Variants in GREB1 observed in about 807,000 individuals in gnomAD.
The protein encoded by GREB1 is growth regulating estrogen receptor binding 1, also known as protein GREB1.
In GREB1, 106 loss-of-function variants were observed where a neutral mutation model predicts 200.7. That is an observed-to-expected ratio of 0.53 (90% CI 0.45 to 0.62). The LOEUF (loss-of-function observed/expected upper bound fraction) is 0.62. Among genes scored for constraint, GREB1 ranks in the 20% least tolerant of loss-of-function variants. The pLI is 0.00. For missense variants in GREB1, 2,243 were observed against 2,556.8 expected, an observed-to-expected ratio of 0.88 and a Z score of 2.65; for synonymous variants, 1,132 against 1,092.4, an observed-to-expected ratio of 1.04 and a Z score of -0.72.
chr2:11,520,963 G>C (rs930827932), intron 1 of GREB1, among the ~76,000 whole-genome samples: 21 of 152,188 alleles, frequency 1.4e-4, no homozygotes, highest in African/African-American at 5.1e-4. Flanking sequence ...TTAGCAGGGG[G>C]CGTCTGGGAT....
intron 3 of GREB1, among the ~76,000 whole-genome samples, chr2:11,564,998 C>A (rs1198580616): frequency 6.6e-6 from 1 of 152,160 alleles, no homozygotes; most frequent in Admixed American, 6.5e-5. Context: ...GTGGGAAAGA[C>A]CCACCCCCAT....
Position 11,588,782 on chromosome 2 carries a change from A to G in GREB1, c.1196A>G (p.Asn399Ser). The change falls in exon 10 of 33, where the codon AAT (asparagine) becomes AGT (serine). Residue 399 changes from asparagine to serine, a missense_variant. Physicochemically the swap from Asn to Ser is conservative, Grantham distance 46. Transcript: ENST00000381486. ...TTCCCTTACCTCTGTGGGAACCTGA[A>G]TGACGTCGTGGTCAGCCCCCTCTTG... ...GNFPYLCGNL[N>S]DVVVSPLLYT... 6.2e-7 allele frequency: 1 copy of G among 1,614,180 alleles called. No individual in the cohort carries two copies.
At chr2:11,575,243 CCTT>C (rs1678725860) in intron 4 of GREB1, among the ~76,000 whole-genome samples, 1 of 152,214 alleles carries the variant, frequency 6.6e-6, no homozygotes, top group African/African-American at 2.4e-5. Context: ...CAGCCAAAGA[CCTT>C]TGAGCCCAAA....
At position 11,612,598 on chromosome 2, in the gene GREB1, A is replaced by C. The variant is rs1215394873; in HGVS notation, c.3110A>C (p.Glu1037Ala). The change falls in exon 19 of 33, where the codon GAG becomes GCG. Residue 1037 changes from glutamate to alanine, a missense_variant. Coordinates refer to ENST00000381486, the MANE Select transcript of GREB1 (RefSeq NM_014668.4). ...LIFSGMDPHG[E>A]SLPRSLRYCD... ...TTCAGTGGGATGGACCCGCATGGGG[A>C]GTCCTTGCCGAGGTGAGTGGAGGGG... The C allele has an allele frequency of 6.2e-7, 1 of 1,609,030 alleles. No individual in the cohort carries two copies. Among genetic ancestry groups the C allele is most frequent in the African/African-American group, 1.3e-5 (1 of 74,784 alleles).
chr2:11,611,114 C>A (rs1682884251), intron 18 of GREB1, 87 bp downstream of exon 18: 5 of 1,180,962 alleles, frequency 4.2e-6, no homozygotes, highest in Non-Finnish European at 5.9e-6. Flanking sequence ...GTGTCACGAA[C>A]CCCACAGCGT....
Position 11,616,670 on chromosome 2 carries a change from G to A in GREB1, c.3362G>A (p.Arg1121Lys). 16 of 1,613,362 alleles carry A rather than the reference G, an allele frequency of 9.9e-6. No individual in the cohort carries two copies. The highest frequency in any genetic ancestry group is 1.4e-5 in the Non-Finnish European group (16 of 1,179,286). Reference sequence around the variant, plus strand: ...AAGAGAAGCCCCATGAAAAGGGAGAGGTCCCGCTCCCACGACTCAGCATCC... The same window carrying A: ...AAGAGAAGCCCCATGAAAAGGGAGAAGTCCCGCTCCCACGACTCAGCATCC... ...SEKRSPMKRERSRSHDSASSS... is the reference protein window; with the variant it reads ...SEKRSPMKREKSRSHDSASSS... Residue 1121 changes from arginine (R) to lysine (K), a missense_variant, in exon 21 of 33, where the codon AGG becomes AAG. This residue lies in a region of GREB1 where 587 missense variants were observed against 553.1 expected (regional missense o/e 1.06). Coordinates refer to ENST00000381486, the MANE Select transcript of GREB1 (RefSeq NM_014668.4).
intron 17 of GREB1, among the ~76,000 whole-genome samples, chr2:11,607,119 C>T (rs1572898121): frequency 2.0e-5 from 3 of 151,058 alleles, no homozygotes; most frequent in South Asian, 2.1e-4. Flanking sequence ...ATTTTAGGGC[C>T]GTTGCCCAGG....
chr2:11,554,763 C>T lies in GREB1; in HGVS notation c.-161-1691C>T, dbSNP rs149385716. On this transcript the variant is annotated intron_variant, in intron 1 of 32. Coordinates refer to ENST00000381486, the MANE Select transcript of GREB1 (RefSeq NM_014668.4). ...TTCCTTTCATCCCTTGTAGAGTTTA[C>T]GAATGTCTTTTCTCATATCTGTAAA... Among the ~76,000 whole-genome samples, 382 of 152,254 alleles carry T rather than the reference C, an allele frequency of 2.5e-3. 1 individual carries two copies. The highest frequency in any genetic ancestry group is 8.7e-3 in the African/African-American group (362 of 41,546).
intron 1 of GREB1, among the ~76,000 whole-genome samples, chr2:11,509,079 G>C (rs1490337797): frequency 6.6e-6 from 1 of 151,554 alleles, no homozygotes; most frequent in East Asian, 1.9e-4. Context: ...GTTTCACCGT[G>C]TTAGCCAGGA....
chr2:11,496,308 G>A (rs997591340), intron 1 of GREB1, among the ~76,000 whole-genome samples: 2 of 152,150 alleles, frequency 1.3e-5, no homozygotes, highest in Non-Finnish European at 2.9e-5. Flanking sequence ...ACCACGGATG[G>A]GAACAAAAAT....
intron 1 of GREB1, among the ~76,000 whole-genome samples, chr2:11,511,343 C>G (rs184985690): frequency 6.6e-6 from 1 of 152,016 alleles, no homozygotes; most frequent in South Asian, 2.1e-4. Flanking sequence ...GATTGCGTAG[C>G]CAGGAAAGGC....
At chr2:11,535,537 T>TTTCGTC (rs59380148) in intron 1 of GREB1, among the ~76,000 whole-genome samples, 1 of 151,498 alleles carries the variant, frequency 6.6e-6, no homozygotes. Flanking sequence ...GGAAAGGACT[T>TTTCGTC]TACTCTTCGA....
At chr2:11,583,911 C>T (rs531838369) in intron 7 of GREB1, among the ~76,000 whole-genome samples, 7 of 152,062 alleles carry the variant, frequency 4.6e-5, no homozygotes, top group African/African-American at 1.2e-4. Flanking sequence ...TTTTTACTGT[C>T]GTTTCCAGAG....
chr2:11,590,612 A>G lies in GREB1; in HGVS notation c.1345+1681A>G, dbSNP rs138887610. ...TGTTACTGTGTGTAAGACAGCTCCC[A>G]CCCTCCGGGCCCCTATCCTATGCCC... On this transcript the variant is annotated intron_variant, in intron 10 of 32. Transcript: ENST00000381486. Among the ~76,000 whole-genome samples the G allele has an allele frequency of 9.4e-3, 1,425 of 151,310 alleles. 22 individuals carry two copies. Among genetic ancestry groups the G allele is most frequent in the African/African-American group, 0.033 (1,354 of 41,144 alleles).
In GREB1 at chr2:11,556,448, C is replaced by T. The variant is rs1471141392; in HGVS notation, c.-161-6C>T. On this transcript the variant is annotated splice_region_variant and splice_polypyrimidine_tract_variant and intron_variant, in intron 1 of 32. Coordinates refer to ENST00000381486, the MANE Select transcript of GREB1 (RefSeq NM_014668.4). ...ACTTATATAACTTCCTGTAATTGCC[C>T]GGCAGTAGCTGCAGCTGAGGACAGC... 1.7e-5 allele frequency: 9 copies of T among 527,226 alleles called. No individual in the cohort carries two copies. The highest frequency in any genetic ancestry group is 2.7e-5 in the Non-Finnish European group (8 of 300,986). The allele number at this position is 527,226 out of a possible 1,614,324, so 32.7% of individuals were successfully genotyped here.
rs1421337900 is a variant in GREB1 at position 11,615,150 on chromosome 2, T to C, written c.3182T>C (p.Leu1061Ser). ...INSSCLVRTA[L>S]EQELGLAAYF... The stretch of plus-strand genomic sequence containing the variant: ...TCCTCCTGCTTGGTGAGAACAGCCT[T>C]GGAGCAGGAGCTGGGCCTGGCTGCC... Residue 1061 changes from leucine (L) to serine (S), a missense_variant, in exon 20 of 33, where the codon TTG (leucine) becomes TCG (serine). By Grantham distance (145) the Leu-to-Ser change is moderately radical. This residue lies in a region of GREB1 where 1,178 missense variants were observed against 1,387.4 expected (regional missense o/e 0.85). Coordinates refer to ENST00000381486, the MANE Select transcript of GREB1 (RefSeq NM_014668.4). The C allele has an allele frequency of 6.2e-7, 1 of 1,614,058 alleles. No individual in the cohort carries two copies. The highest frequency in any genetic ancestry group is 8.5e-7 in the Non-Finnish European group (1 of 1,179,998).
At chr2:11,587,312 C>T in intron 9 of GREB1, 3 of 1,137,288 alleles carry the variant, frequency 2.6e-6, no homozygotes, top group Non-Finnish European at 4.0e-6. Context: ...CTTCTCTGTC[C>T]CTCTTTTATG....
At chr2:11,583,333 T>G (rs1031204842) in intron 7 of GREB1, among the ~76,000 whole-genome samples, 1 of 152,198 alleles carries the variant, frequency 6.6e-6, no homozygotes, top group African/African-American at 2.4e-5. Context: ...GACAGATGTT[T>G]GCAGAGTCTA....
chr2:11,503,168 A>C (rs1376831876), intron 1 of GREB1, among the ~76,000 whole-genome samples: 1 of 152,160 alleles, frequency 6.6e-6, no homozygotes, highest in African/African-American at 2.4e-5. Context: ...AAAAGAAAGA[A>C]ACGTTCCTGA....
Sources: gnomAD v4.1 joint callset for allele counts (sites outside exome capture counted in the v4.1 genomes callset) on GRCh38, gnomAD v4.1.1 for gene constraint, gnomAD v4.1.1 regional missense constraint, MANE v1.5 for transcripts, NCBI Gene and HGNC (gene_info 2026-07-23, HGNC 2026-07-21) for gene names.